Variants in TMTC2 observed in about 807,000 individuals in gnomAD.
TMTC2 encodes transmembrane O-mannosyltransferase targeting cadherins 2.
Under a neutral mutation model 82.4 loss-of-function variants are expected in TMTC2, and 43 were observed. The observed-to-expected ratio is 0.52, with a 90% confidence interval of 0.41 to 0.67. TMTC2 has a LOEUF of 0.67. Among genes scored for constraint, TMTC2 ranks in the 30% least tolerant of loss-of-function variants. TMTC2 has a pLI of 0.00. For synonymous variants in TMTC2, 408 were observed against 381.9 expected, an observed-to-expected ratio of 1.07 and a Z score of -0.80; for missense variants, 919 against 1,012.4, an observed-to-expected ratio of 0.91 and a Z score of 1.25.
At chr12:83,074,516 C>G (rs1260369551) in intron 11 of TMTC2, among the ~76,000 whole-genome samples, 1 of 152,092 alleles carries the variant, frequency 6.6e-6, no homozygotes, top group Non-Finnish European at 1.5e-5. Context: ...GGTCTTGCTG[C>G]AGCTGCTCTA....
chr12:83,031,017 C>G lies in TMTC2; in HGVS notation c.2152+138C>G, dbSNP rs1357590916. 6 of 598,472 alleles carry G rather than the reference C, an allele frequency of 1.0e-5. No homozygotes were observed. In the African/African-American group the frequency reaches 1.1e-4, roughly 11 times the overall value. The allele number at this position is 598,472 out of a possible 1,614,324, so 37.1% of individuals were successfully genotyped here. ...GCAGATTTAGCCTCATGCTATATTC[C>G]TACCTTCTCATTCAAAACAGTCCTA... On this transcript the variant is annotated intron_variant, in intron 9 of 11. Coordinates refer to ENST00000321196, the MANE Select transcript of TMTC2 (RefSeq NM_152588.3).
intron 4 of TMTC2, among the ~76,000 whole-genome samples, chr12:82,942,517 T>G (rs1876778459): frequency 2.0e-5 from 3 of 152,172 alleles, no homozygotes; most frequent in Admixed American, 2.0e-4. Context: ...ATAAATAGCC[T>G]TTTGAAAAAA....
In TMTC2 at chr12:82,930,500, A is replaced by G. The variant is rs1875969713; in HGVS notation, c.1553A>G (p.Asn518Ser). 6.2e-7 allele frequency: 1 copy of G among 1,605,614 alleles called. No individual in the cohort carries two copies. The highest frequency in any genetic ancestry group is 1.1e-5 in the South Asian group (1 of 90,408). ...TCTGAAGCTGAAAGCGCCTATAGAA[A>G]TGCTTTGTACTACCGCAGCAACATG... ...KISEAESAYR[N>S]ALYYRSNMAD... Residue 518 changes from asparagine to serine, a missense_variant, in exon 4 of 12, where the codon AAT (asparagine) becomes AGT (serine). By Grantham distance (46) the Asn-to-Ser change is conservative. Transcript: ENST00000321196.
At chr12:82,797,533 A>G in intron 1 of TMTC2, among the ~76,000 whole-genome samples, 1 of 152,188 alleles carries the variant, frequency 6.6e-6, no homozygotes, top group East Asian at 1.9e-4. Flanking sequence ...CAAGTATCAC[A>G]ACATATGTTG....
chr12:82,980,037 A>G (rs984233453), intron 7 of TMTC2, among the ~76,000 whole-genome samples: 6 of 151,658 alleles, frequency 4.0e-5, no homozygotes, highest in African/African-American at 1.5e-4. Flanking sequence ...TGATTATGAC[A>G]TGTCTTGAGG....
intron 4 of TMTC2, among the ~76,000 whole-genome samples, chr12:82,963,302 A>C (rs1459956816): frequency 6.6e-6 from 1 of 151,926 alleles, no homozygotes; most frequent in Non-Finnish European, 1.5e-5. Flanking sequence ...AGAAAAGAAA[A>C]CCGTATGATA....
chr12:82,713,192 A>G (rs527329075), intron 1 of TMTC2, among the ~76,000 whole-genome samples: 1 of 152,044 alleles, frequency 6.6e-6, no homozygotes, highest in Non-Finnish European at 1.5e-5. Context: ...GTGGTGGCAC[A>G]CGCCTGTAAT....
chr12:82,872,056 GT>G (rs1450045224), intron 2 of TMTC2, among the ~76,000 whole-genome samples: 1 of 113,696 alleles, frequency 8.8e-6, no homozygotes, highest in Non-Finnish European at 1.6e-5. Flanking sequence ...GTAAGACTGA[GT>G]TTCAAAGTAA....
intron 3 of TMTC2, among the ~76,000 whole-genome samples, chr12:82,902,894 T>C (rs948304157): frequency 6.6e-6 from 1 of 152,136 alleles, no homozygotes; most frequent in African/African-American, 2.4e-5. Context: ...TAAATAAAAT[T>C]AGAACAGTTC....
intron 2 of TMTC2, among the ~76,000 whole-genome samples, chr12:82,883,080 A>ACC (rs1872916902): frequency 6.6e-6 from 1 of 150,428 alleles, no homozygotes; most frequent in African/African-American, 2.5e-5. Context: ...AAAAAAAAAA[A>ACC]AACCAAAACC....
intron 9 of TMTC2, among the ~76,000 whole-genome samples, chr12:83,043,433 A>G (rs1881969192): frequency 1.3e-5 from 2 of 152,158 alleles, no homozygotes; most frequent in African/African-American, 4.8e-5. Context: ...AGTTAGCCCA[A>G]TTACTTCCAT....
intron 3 of TMTC2, among the ~76,000 whole-genome samples, chr12:82,914,889 G>A (rs1480378203): frequency 6.9e-6 from 1 of 144,708 alleles, no homozygotes; most frequent in Non-Finnish European, 1.5e-5. Flanking sequence ...GCAATAGTGC[G>A]ATCTTGGCTC....
intron 1 of TMTC2, among the ~76,000 whole-genome samples, chr12:82,717,218 C>CTT (rs200275370): frequency 6.5e-5 from 9 of 139,104 alleles, no homozygotes; most frequent in Non-Finnish European, 1.1e-4. Flanking sequence ...GCAAAAGGCA[C>CTT]TTTTTTTTTT....
intron 1 of TMTC2, among the ~76,000 whole-genome samples, chr12:82,722,282 C>T (rs995508492): frequency 5.3e-5 from 8 of 151,464 alleles, no homozygotes; most frequent in African/African-American, 1.2e-4. Flanking sequence ...AGGTTGGGCG[C>T]GGTGGCTCAC....
chr12:83,016,609 A>G (rs551929852), intron 8 of TMTC2, among the ~76,000 whole-genome samples: 107 of 152,346 alleles, frequency 7.0e-4, no homozygotes, highest in Middle Eastern at 6.8e-3. Context: ...CCAGGCATAT[A>G]GTAGGTACTC....
At chr12:82,949,737 GT>G (rs1877245781) in intron 4 of TMTC2, among the ~76,000 whole-genome samples, 2 of 152,262 alleles carry the variant, frequency 1.3e-5, no homozygotes, top group African/African-American at 4.8e-5. Flanking sequence ...AATCTGAAGA[GT>G]TTGTTAGCTG....
intron 11 of TMTC2, among the ~76,000 whole-genome samples, chr12:83,089,722 G>A (rs1198272996): frequency 6.6e-6 from 1 of 151,884 alleles, no homozygotes; most frequent in African/African-American, 2.4e-5. Flanking sequence ...TGAGCAACAG[G>A]AGATTCTCAA....
chr12:82,740,411 C>T (rs7305216), intron 1 of TMTC2, among the ~76,000 whole-genome samples: 150,373 of 152,328 alleles, frequency 0.99, 74,250 homozygotes, highest in Middle Eastern at 1. Flanking sequence ...TACTTATTTC[C>T]TCCTGGTCAT....
chr12:82,743,346 CAGG>C (rs1875516284), intron 1 of TMTC2, among the ~76,000 whole-genome samples: 1 of 150,764 alleles, frequency 6.6e-6, no homozygotes, highest in African/African-American at 2.4e-5. Context: ...TAGGCTGAGG[CAGG>C]AGAATTGCTT....
Sources: gnomAD v4.1 joint callset for allele counts (sites outside exome capture counted in the v4.1 genomes callset) on GRCh38, gnomAD v4.1.1 for gene constraint, MANE v1.5 for transcripts, NCBI Gene and HGNC (gene_info 2026-07-23, HGNC 2026-07-21) for gene names.